Variants in TNS1 observed in about 807,000 individuals in gnomAD.
TNS1 encodes the protein tensin 1, also known as tensin-1.
TNS1 carries 62 observed loss-of-function variants against 168.6 expected under a neutral mutation model. The ratio of observed to expected loss-of-function variants is 0.37; its 90% CI spans 0.30 to 0.45. TNS1 has a LOEUF of 0.45. Ranked by LOEUF, TNS1 falls within the 20% of genes least tolerant of loss-of-function variation. The pLI is 1.00. For missense variants in TNS1, 2,240 were observed against 2,339.4 expected (o/e 0.96, Z 0.88); for synonymous variants, 934 against 933.2 (o/e 1.00, Z -0.02).
At chr2:218,005,693 T>C (rs1402262889), upstream of TNS1, among the ~76,000 whole-genome samples, 3 of 152,200 alleles carry the variant, frequency 2.0e-5, no homozygotes, top group African/African-American at 7.2e-5. Flanking sequence ...GCACCAGACA[T>C]GGTTGAAGAA....
chr2:217,994,470 C>T (rs1212125583), intron 1 of TNS1, among the ~76,000 whole-genome samples: 1 of 152,142 alleles, frequency 6.6e-6, no homozygotes, highest in Non-Finnish European at 1.5e-5. Context: ...CCTGTCTCTC[C>T]CACCCCACAA....
intron 1 of TNS1, among the ~76,000 whole-genome samples, chr2:218,031,992 G>A (rs1355032317): frequency 3.9e-5 from 6 of 152,216 alleles, no homozygotes; most frequent in Non-Finnish European, 8.8e-5. Context: ...AAGGAGGCAC[G>A]ACTGGCACCC....
At chr2:217,894,847 T>C (rs1265244045) in intron 9 of TNS1, among the ~76,000 whole-genome samples, 159 bp downstream of exon 9, 1 of 152,208 alleles carries the variant, frequency 6.6e-6, no homozygotes, top group Non-Finnish European at 1.5e-5. Context: ...ATTGGCATTG[T>C]GGAAATGATA....
chr2:218,019,860 C>T (rs1958792281), intron 1 of TNS1, among the ~76,000 whole-genome samples: 1 of 152,132 alleles, frequency 6.6e-6, no homozygotes, highest in African/African-American at 2.4e-5. Flanking sequence ...ACCTCACTAT[C>T]CTGTCAATGG....
Position 217,818,020 on chromosome 2 carries a change from G to T in TNS1, c.4312C>A (p.Pro1438Thr). 1 of 1,597,876 alleles carries T rather than the reference G, an allele frequency of 6.3e-7. No individual in the cohort carries two copies. The highest frequency in any genetic ancestry group is 8.5e-7 in the Non-Finnish European group (1 of 1,172,220). The change falls in exon 24 of 33, where the codon CCC (proline) becomes ACC (threonine). Residue 1438 changes from proline (P) to threonine (T), a missense_variant. Transcript: ENST00000682258. ...GCACTGCTCTGCCGGGACAGTGTGG[G>T]TCTCCGATCCTCCGGGGTAGAATAG... Reference protein sequence around the residue: ...GGYSTPEDRRPTLSRQSSASG... With the variant: ...GGYSTPEDRRTTLSRQSSASG...
chr2:217,957,142 C>T (rs1957384943), intron 3 of TNS1, among the ~76,000 whole-genome samples: 1 of 152,190 alleles, frequency 6.6e-6, no homozygotes, highest in Non-Finnish European at 1.5e-5. Flanking sequence ...GGGCGGCCCG[C>T]CCCCACCCCG....
chr2:217,987,426 C>T (rs1293441059), intron 2 of TNS1, among the ~76,000 whole-genome samples: 2 of 152,174 alleles, frequency 1.3e-5, no homozygotes, highest in Non-Finnish European at 2.9e-5. Context: ...CTTCCAAAAC[C>T]AGGACCAGAC....
chr2:217,956,008 C>T (rs1957352502), intron 3 of TNS1, among the ~76,000 whole-genome samples: 2 of 151,968 alleles, frequency 1.3e-5, no homozygotes, highest in Admixed American at 1.3e-4. Flanking sequence ...GTCCTTGGAA[C>T]AGGAGATTGG....
intron 21 of TNS1, among the ~76,000 whole-genome samples, chr2:217,832,928 A>G (rs953758714): frequency 1.3e-5 from 2 of 152,092 alleles, no homozygotes; most frequent in African/African-American, 4.8e-5. Context: ...TTACATAGAC[A>G]CACACACAAA....
At chr2:217,903,979 A>G (rs1227966949) in intron 6 of TNS1, among the ~76,000 whole-genome samples, 3 of 152,236 alleles carry the variant, frequency 2.0e-5, no homozygotes, top group Non-Finnish European at 4.4e-5. Flanking sequence ...CTCAGGACCA[A>G]AAGAAAAGCC....
chr2:217,885,641 C>T, intron 15 of TNS1, 103 bp downstream of exon 15: 1 of 1,234,018 alleles, frequency 8.1e-7, no homozygotes, highest in Non-Finnish European at 1.2e-6. Context: ...GCCTGGCAGC[C>T]CAGGAGGAGT....
intron 16 of TNS1, among the ~76,000 whole-genome samples, chr2:217,883,947 G>A (rs1188503560): frequency 6.6e-6 from 1 of 152,138 alleles, no homozygotes; most frequent in Non-Finnish European, 1.5e-5. Context: ...CTGCTCCATG[G>A]GACACCTATC....
At chr2:217,830,853 G>A (rs990842683) in intron 22 of TNS1, among the ~76,000 whole-genome samples, 12 of 152,226 alleles carry the variant, frequency 7.9e-5, no homozygotes, top group African/African-American at 2.4e-4. Context: ...CAAGGGGATC[G>A]AGGAAACGGC....
chr2:218,005,852 G>A (rs1467546316), upstream of TNS1, among the ~76,000 whole-genome samples: 1 of 152,182 alleles, frequency 6.6e-6, no homozygotes, highest in Non-Finnish European at 1.5e-5. Context: ...CAATTTCAGT[G>A]CCACCCTATC....
At chr2:217,897,673 G>T in intron 8 of TNS1, 125 bp downstream of exon 8, 1 of 1,076,426 alleles carries the variant, frequency 9.3e-7, no homozygotes, top group African/African-American at 1.6e-5. Context: ...GGGAAAGGCA[G>T]ATAAACAAAG....
chr2:217,846,971 T>G (rs957268671), intron 19 of TNS1, among the ~76,000 whole-genome samples: 2 of 152,216 alleles, frequency 1.3e-5, no homozygotes, highest in Admixed American at 1.3e-4. Flanking sequence ...TCATGGCCTC[T>G]AGGAGCGGGA....
intron 3 of TNS1, among the ~76,000 whole-genome samples, chr2:217,938,114 C>T (rs575058795): frequency 3.3e-5 from 5 of 152,292 alleles, no homozygotes; most frequent in South Asian, 2.1e-4. Flanking sequence ...AGCTCAGGAA[C>T]ACTCCCCAGC....
intron 3 of TNS1, among the ~76,000 whole-genome samples, chr2:217,929,936 A>C (rs1956234353): frequency 2.6e-5 from 4 of 152,202 alleles, no homozygotes; most frequent in Admixed American, 2.6e-4. Flanking sequence ...TTTGGCAGCC[A>C]GGGAGCTATT....
intron 22 of TNS1, among the ~76,000 whole-genome samples, chr2:217,823,064 G>A (rs1380692574): frequency 6.6e-6 from 1 of 152,222 alleles, no homozygotes; most frequent in East Asian, 1.9e-4. Flanking sequence ...CAGGAGGCCA[G>A]GCCCCTGCAG....
Sources: allele counts gnomAD v4.1 joint callset (sites outside exome capture counted in the v4.1 genomes callset), GRCh38; gene constraint gnomAD v4.1.1; transcripts MANE v1.5; gene names NCBI Gene and HGNC (gene_info 2026-07-23, HGNC 2026-07-21).